The following SORL1 variants were observed in gnomAD, a reference collection of about 807,000 sequenced individuals.
SORL1 encodes sortilin-related receptor.
Under a neutral mutation model 273.7 loss-of-function variants are expected in SORL1, and 127 were observed. The ratio of observed to expected loss-of-function variants is 0.46; its 90% CI spans 0.40 to 0.54. The LOEUF (loss-of-function observed/expected upper bound fraction) is 0.54, where lower values mean the gene tolerates loss of function less well. SORL1 is among the 20% of genes least tolerant of loss of function. The probability of loss-of-function intolerance (pLI) is 0.00; values close to 1 mark genes in which losing one functional copy is unlikely to be tolerated. For synonymous variants in SORL1, 1,031 were observed against 1,067.4 expected, an observed-to-expected ratio of 0.97 and a Z score of 0.66; for missense variants, 2,494 against 2,846.1, an observed-to-expected ratio of 0.88 and a Z score of 2.81.
chr11:121,468,609 T>C (rs1329484727), intron 1 of SORL1, among the ~76,000 whole-genome samples: 1 of 152,122 alleles, frequency 6.6e-6, no homozygotes, highest in African/African-American at 2.4e-5. Flanking sequence ...TTAGTAGAGA[T>C]GGGGTTTCAC....
chr11:121,585,496 T>TACACAC (rs1863083822), intron 26 of SORL1, among the ~76,000 whole-genome samples: 2 of 110,922 alleles, frequency 1.8e-5, no homozygotes, highest in East Asian at 4.3e-4. Flanking sequence ...AAAAAAAATG[T>TACACAC]ATATACACAC....
intron 2 of SORL1, among the ~76,000 whole-genome samples, chr11:121,477,873 C>CA (rs998821473): frequency 1.3e-5 from 2 of 150,534 alleles, no homozygotes; most frequent in African/African-American, 2.4e-5. Context: ...GCTAAAAATA[C>CA]AAAAAAAAAT....
intron 12 of SORL1, among the ~76,000 whole-genome samples, chr11:121,538,749 G>A (rs919516366): frequency 8.6e-5 from 13 of 152,042 alleles, no homozygotes; most frequent in African/African-American, 1.4e-4. Flanking sequence ...TGCCATCTTG[G>A]CTCACTGCAA....
Position 121,611,015 on chromosome 11 carries a change from G to A in SORL1, c.5240-61G>A, listed in dbSNP as rs941073138. The A allele has an allele frequency of 1.1e-5, 13 of 1,146,664 alleles. No individual in the cohort carries two copies. In the Admixed American group the frequency reaches 2.0e-4, roughly 18 times the overall value. 71.0% of individuals were successfully genotyped at this position (1,146,664 alleles called of 1,614,324 possible). On this transcript the variant is annotated intron_variant, in intron 38 of 47. Transcript: ENST00000260197. Reference sequence around the variant, plus strand: ...TGTCCGTTGAGTTGAAAACTATTAAGTCCTGCCTTCCTCACTTTTCATCAC... The same window carrying A: ...TGTCCGTTGAGTTGAAAACTATTAAATCCTGCCTTCCTCACTTTTCATCAC...
Position 121,627,723 on chromosome 11 carries a change from G to A in SORL1, c.6533G>A (p.Ser2178Asn). The change falls in exon 47 of 48, where the codon AGC (serine) becomes AAC (asparagine). Residue 2178 changes from serine to asparagine, a missense_variant. Coordinates refer to ENST00000260197, the MANE Select transcript of SORL1 (RefSeq NM_003105.6). The surrounding 1 kb of genome is among the most constrained non-coding windows in gnomAD (Gnocchi z 4.9). ...SFTAFANSHY[S>N]SRLGSAIFSS... Reference sequence around the variant, plus strand: ...ACCGCCTTCGCCAACAGCCACTACAGCTCCAGGCTGGGGTCCGCAATCTTC... The same window carrying A: ...ACCGCCTTCGCCAACAGCCACTACAACTCCAGGCTGGGGTCCGCAATCTTC... 6.2e-7 allele frequency: 1 copy of A among 1,614,134 alleles called. No individual in the cohort carries two copies. The highest frequency in any genetic ancestry group is 8.5e-7 in the Non-Finnish European group (1 of 1,180,024).
At chr11:121,513,211 C>T in intron 7 of SORL1, 107 bp downstream of exon 7, 1 of 841,894 alleles carries the variant, frequency 1.2e-6, no homozygotes, top group Non-Finnish European at 2.0e-6. Context: ...TTTTATGGCG[C>T]CTCCCTGAAG....
In SORL1 at chr11:121,583,440, C is replaced by G. The variant is rs73595277; in HGVS notation, c.3581-18C>G. On this transcript the variant is annotated intron_variant, in intron 25 of 47. Coordinates refer to ENST00000260197, the MANE Select transcript of SORL1 (RefSeq NM_003105.6). Reference sequence around the variant, plus strand: ...GGAGATGAGGGGTGTGCGACTGTGTCTCTCTTCTCTGTTACAGCCATCTAT... The same window carrying G: ...GGAGATGAGGGGTGTGCGACTGTGTGTCTCTTCTCTGTTACAGCCATCTAT... 131,639 of 1,605,256 alleles carry G rather than the reference C, an allele frequency of 0.082. 7,753 individuals are homozygous for G. The highest frequency in any genetic ancestry group is 0.3 in the African/African-American group (22,350 of 74,498).
chr11:121,560,645 A>T (rs11218340), intron 21 of SORL1, among the ~76,000 whole-genome samples: 10,818 of 152,244 alleles, frequency 0.071, 411 homozygotes, highest in Middle Eastern at 0.092. Context: ...CTATACTAGG[A>T]GAAAATTGAC....
rs1282460387 is a variant in SORL1 at position 121,511,943 on chromosome 11, A to C, written c.940-1060A>C. ...CTCTGGCTGGGAATCCCAACATCTC[A>C]ATATGTTTAATAGTCATTTGTATGA... On this transcript the variant is annotated intron_variant, in intron 6 of 47. Coordinates refer to ENST00000260197, the MANE Select transcript of SORL1 (RefSeq NM_003105.6). 7.2e-5 allele frequency among the ~76,000 whole-genome samples: 11 copies of C among 152,290 alleles called. 1 individual carries two copies. Among genetic ancestry groups the C allele is most frequent in the African/African-American group, 2.6e-4 (11 of 41,562 alleles).
intron 40 of SORL1, among the ~76,000 whole-genome samples, chr11:121,613,917 A>G (rs930470273): frequency 2.6e-5 from 4 of 152,200 alleles, no homozygotes; most frequent in African/African-American, 4.8e-5. Context: ...AGCACTTCCT[A>G]AGCATTTTCT....
chr11:121,601,667 CAGCCTCCCAAGT>C (rs1366143361), intron 32 of SORL1, among the ~76,000 whole-genome samples: 1 of 151,466 alleles, frequency 6.6e-6, no homozygotes, highest in African/African-American at 2.4e-5. Context: ...AATCCAGCCT[CAGCCTCCCAAGT>C]AGCTGGGATT....
intron 1 of SORL1, among the ~76,000 whole-genome samples, chr11:121,464,357 C>T (rs1861051035): frequency 6.6e-6 from 1 of 152,196 alleles, no homozygotes; most frequent in African/African-American, 2.4e-5. Context: ...AGACTTGCAA[C>T]CCTAATTCCC....
chr11:121,527,671 T>C (rs1862143101), intron 11 of SORL1, among the ~76,000 whole-genome samples: 1 of 152,204 alleles, frequency 6.6e-6, no homozygotes, highest in South Asian at 2.1e-4. Flanking sequence ...TACAAGGCTA[T>C]TCAGATTTTC....
At chr11:121,626,171 C>T (rs1235042143) in intron 46 of SORL1, 1 of 152,238 alleles carries the variant, frequency 6.6e-6, no homozygotes, top group African/African-American at 2.4e-5. Flanking sequence ...AACTAATTGG[C>T]AACCTGTGAA....
intron 39 of SORL1, 114 bp downstream of exon 39, chr11:121,611,272 G>A (rs982302223): frequency 8.4e-6 from 6 of 711,132 alleles, no homozygotes; most frequent in East Asian, 2.6e-5. Context: ...CAAAAAAAAC[G>A]AACGGCTAGA....
chr11:121,499,925 G>A (rs527286465), intron 6 of SORL1, among the ~76,000 whole-genome samples: 39 of 152,350 alleles, frequency 2.6e-4, no homozygotes, highest in Non-Finnish European at 4.9e-4. Flanking sequence ...ACAGTCCTTT[G>A]CAAGCTACTG....
Position 121,629,691 on chromosome 11 carries a change from C to CA in SORL1, c.*142dup, listed in dbSNP as rs566582399. The CA allele has an allele frequency of 0.1, 40,357 of 402,756 alleles. 117 individuals are homozygous for CA. The highest frequency in any genetic ancestry group is 0.11 in the Non-Finnish European group (25,258 of 231,594). 24.9% of individuals were successfully genotyped at this position (402,756 alleles called of 1,614,324 possible). ...TTTTATATGGGCCAAAAACAAAAAA[C>CA]AAAAAAAAAAAAAAGGAAAGAAAGG... On this transcript the variant is annotated 3_prime_UTR_variant, in exon 48 of 48. Coordinates refer to ENST00000260197, the MANE Select transcript of SORL1 (RefSeq NM_003105.6).
chr11:121,515,596 T>G (rs1861938151), intron 8 of SORL1, among the ~76,000 whole-genome samples: 1 of 152,178 alleles, frequency 6.6e-6, no homozygotes. Context: ...GCTCAGATCC[T>G]ATAGGGCCTT....
intron 1 of SORL1, among the ~76,000 whole-genome samples, chr11:121,459,200 CTTTCA>C (rs1376826108): frequency 6.6e-6 from 1 of 152,234 alleles, no homozygotes; most frequent in African/African-American, 2.4e-5. Flanking sequence ...CTTGAAGTGT[CTTTCA>C]TTTAATTTTA....
Sources: gnomAD v4.1 joint callset for allele counts (sites outside exome capture counted in the v4.1 genomes callset) on GRCh38, gnomAD v4.1.1 for gene constraint, Gnocchi (gnomAD v3.1) non-coding constraint, MANE v1.5 for transcripts, NCBI Gene and HGNC (gene_info 2026-07-23, HGNC 2026-07-21) for gene names.